The following TUB variants were observed in gnomAD, a reference collection of about 807,000 sequenced individuals.
TUB encodes the protein tubby protein homolog.
TUB carries 33 observed loss-of-function variants against 59.7 expected under a neutral mutation model. That is an observed-to-expected ratio of 0.55 (90% confidence interval 0.42 to 0.74). The LOEUF is 0.74. TUB is among the 30% of genes least tolerant of loss of function. The probability of loss-of-function intolerance (pLI) is 0.00; values close to 1 mark genes in which losing one functional copy is unlikely to be tolerated. For missense variants in TUB, 659 were observed against 672.0 expected (o/e 0.98, Z 0.21); for synonymous variants, 293 against 256.4 (o/e 1.14, Z -1.36).
At position 8,096,676 on chromosome 11, in the gene TUB, T is replaced by C; in HGVS notation, c.566-9T>C. On this transcript the variant is annotated splice_polypyrimidine_tract_variant and intron_variant, in intron 5 of 11. Coordinates refer to ENST00000299506, the MANE Select transcript of TUB (RefSeq NM_177972.3). ...TCCTTCATCCCTTCTTCTTCTCTCC[T>C]TGGCCCAGGCATCTCCAGCAGCATG... 3 of 1,571,764 alleles carry C rather than the reference T, an allele frequency of 1.9e-6. No individual in the cohort carries two copies. The highest frequency in any genetic ancestry group is 2.6e-6 in the Non-Finnish European group (3 of 1,141,404).
chr11:8,045,734 C>T (rs553329536), intron 2 of TUB, among the ~76,000 whole-genome samples: 7 of 152,204 alleles, frequency 4.6e-5, no homozygotes, highest in Non-Finnish European at 1.0e-4. Flanking sequence ...TCATCCTATA[C>T]TTGGAATCAG....
intron 2 of TUB, among the ~76,000 whole-genome samples, chr11:8,073,993 T>C (rs1943403923): frequency 6.6e-6 from 1 of 152,258 alleles, no homozygotes; most frequent in Non-Finnish European, 1.5e-5. Context: ...TGCAGGTGTT[T>C]CTTGCAGCCA....
intron 3 of TUB, 72 bp from the exon 4 acceptor site, chr11:8,093,974 T>C: frequency 6.3e-7 from 1 of 1,588,784 alleles, no homozygotes; most frequent in Non-Finnish European, 8.6e-7. Context: ...CTGGGGACTG[T>C]GTTCAGGTGG....
At chr11:8,087,690 G>A (rs1171222962) in intron 1 of TUB, among the ~76,000 whole-genome samples, 1 of 152,238 alleles carries the variant, frequency 6.6e-6, no homozygotes, top group Admixed American at 6.5e-5. Context: ...ACTGGTGTTC[G>A]GGTCTGACCC....
chr11:8,039,495 C>G (rs938794863), intron 1 of TUB: 3 of 620,970 alleles, frequency 4.8e-6, no homozygotes, highest in Non-Finnish European at 7.8e-6. Context: ...GTCCCTCTAC[C>G]CTGATCCATC....
chr11:8,038,682 G>C, exon 1 of TUB: 2 of 1,414,680 alleles, frequency 1.4e-6, no homozygotes, highest in African/African-American at 2.9e-5. Flanking sequence ...ACTGCGACCA[G>C]AAGATGTTTC....
At chr11:8,082,873 T>C (rs1383621289) in intron 1 of TUB, among the ~76,000 whole-genome samples, 1 of 152,128 alleles carries the variant, frequency 6.6e-6, no homozygotes, top group African/African-American at 2.4e-5. Flanking sequence ...CCAGGTTATT[T>C]TGTGTCTCTC....
At position 8,039,010 on chromosome 11, in the gene TUB, G is replaced by A. The variant is rs747380073; in HGVS notation, c.137G>A (p.Arg46Gln). The A allele has an allele frequency of 1.3e-5, 21 of 1,613,354 alleles. No individual in the cohort carries two copies. Among genetic ancestry groups the A allele is most frequent in the South Asian group, 7.7e-5 (7 of 91,034 alleles). Residue 46 changes from arginine (R) to glutamine (Q), a missense_variant, in exon 1 of 13, where the codon CGG (arginine) becomes CAG (glutamine). By Grantham distance (43) the Arg-to-Gln change is conservative. Coordinates refer to the TUB transcript ENST00000305253. ...CACAGGAAACCTGGGCCCCTGAAAC[G>A]GGGCCACCGAAGAGATCGGTAAGCT...
Position 8,097,307 on chromosome 11 carries a change from T to G in TUB, c.767T>G (p.Leu256Arg), listed in dbSNP as rs1215510045. 2 of 1,614,042 alleles carry G rather than the reference T, an allele frequency of 1.2e-6. No individual in the cohort carries two copies. Among genetic ancestry groups the G allele is most frequent in the Non-Finnish European group, 1.7e-6 (2 of 1,180,042 alleles). ...GTCCAGGATCTTGAGGAGTTTGCAC[T>G]GAGGCCGGCCCCCCAGGGTATCACC... ...VEVQDLEEFA[L>R]RPAPQGITIK... Residue 256 changes from leucine (L) to arginine (R), a missense_variant, in exon 7 of 12, where the codon CTG (leucine) becomes CGG (arginine). By Grantham distance (102) the Leu-to-Arg change is moderately radical. Around this residue, in one of 3 missense-constraint regions of TUB, gnomAD observed 112 missense variants for 156.9 expected, o/e 0.71. Coordinates refer to ENST00000299506, the MANE Select transcript of TUB (RefSeq NM_177972.3).
chr11:8,057,310 C>T (rs1943035838), intron 2 of TUB, among the ~76,000 whole-genome samples: 2 of 152,108 alleles, frequency 1.3e-5, no homozygotes, highest in Admixed American at 1.3e-4. Context: ...TGGACCAAAC[C>T]GAGGGTCAGC....
intron 1 of TUB, among the ~76,000 whole-genome samples, chr11:8,024,910 C>G (rs1942479872): frequency 6.6e-6 from 1 of 152,238 alleles, no homozygotes; most frequent in Non-Finnish European, 1.5e-5. Context: ...TCAAAGTGAC[C>G]TGGCTTTGCA....
intron 2 of TUB, among the ~76,000 whole-genome samples, chr11:8,064,257 A>AT (rs1943191905): frequency 6.6e-6 from 1 of 152,220 alleles, no homozygotes; most frequent in Non-Finnish European, 1.5e-5. Context: ...CCGTGGCCCC[A>AT]TGCTTGTCCC....
chr11:8,032,917 G>A (rs1564897055), intron 1 of TUB, among the ~76,000 whole-genome samples: 1 of 152,218 alleles, frequency 6.6e-6, no homozygotes, highest in Non-Finnish European at 1.5e-5. Flanking sequence ...CTGCCGATGA[G>A]CACAGCTGCT....
chr11:8,081,203 C>T (rs1943552181), upstream of TUB, among the ~76,000 whole-genome samples: 1 of 151,480 alleles, frequency 6.6e-6, no homozygotes, highest in Non-Finnish European at 1.5e-5. Flanking sequence ...CCGCCGCTGC[C>T]ACGCAGTACT....
chr11:8,034,638 T>A (rs1013321673), upstream of TUB, among the ~76,000 whole-genome samples: 1 of 152,174 alleles, frequency 6.6e-6, no homozygotes, highest in African/African-American at 2.4e-5. Flanking sequence ...TGAAGGTTGA[T>A]TATTAGTAAC....
At position 8,097,386 on chromosome 11, in the gene TUB, C is replaced by T. The variant is rs2133878113; in HGVS notation, c.846C>T (p.Pro282=). Reference sequence around the variant, plus strand: ...AAGGGATGGACCGGGGCATGTACCCCACCTACTTTCTGCACCTGGACCGTG... The same window carrying T: ...AAGGGATGGACCGGGGCATGTACCCTACCTACTTTCTGCACCTGGACCGTG... ...DKKGMDRGMY[P]TYFLHLDRED... Residue 282 remains proline, a synonymous_variant, in exon 7 of 12, where the codon CCC becomes CCT. Transcript: ENST00000299506. The T allele has an allele frequency of 6.2e-7, 1 of 1,614,204 alleles. No individual in the cohort carries two copies. The highest frequency in any genetic ancestry group is 1.1e-5 in the South Asian group (1 of 91,084).
chr11:8,065,039 G>T (rs946356354), intron 2 of TUB, among the ~76,000 whole-genome samples: 1 of 152,220 alleles, frequency 6.6e-6, no homozygotes, highest in Non-Finnish European at 1.5e-5. Context: ...AGGACACAGG[G>T]CCAATGTATA....
chr11:8,022,025 G>A (rs991096386), intron 1 of TUB, among the ~76,000 whole-genome samples: 1 of 151,950 alleles, frequency 6.6e-6, no homozygotes, highest in African/African-American at 2.4e-5. Context: ...GACAATCTCA[G>A]TACCTGGGGA....
chr11:8,034,223 C>T (rs1285998233), upstream of TUB, among the ~76,000 whole-genome samples: 1 of 152,204 alleles, frequency 6.6e-6, no homozygotes, highest in Non-Finnish European at 1.5e-5. Context: ...CCCCTAAGCA[C>T]CTGCTCTGAC....
Sources: gnomAD v4.1 joint callset for allele counts (sites outside exome capture counted in the v4.1 genomes callset) on GRCh38, gnomAD v4.1.1 for gene constraint, gnomAD v4.1.1 regional missense constraint, MANE v1.5 for transcripts, NCBI Gene and HGNC (gene_info 2026-07-23, HGNC 2026-07-21) for gene names.